The following LRRC27 variants were observed in gnomAD, a reference collection of about 807,000 sequenced individuals.
LRRC27 encodes the protein leucine-rich repeat-containing protein 27.
In LRRC27, 57 loss-of-function variants were observed where a neutral mutation model predicts 55.0. That is an observed-to-expected ratio of 1.04 (90% confidence interval 0.84 to 1.29). LRRC27 has a LOEUF of 1.29. Among genes scored for constraint, LRRC27 ranks in the 50% most tolerant of loss-of-function variants. The pLI is 0.00. For missense variants in LRRC27, 721 were observed against 651.5 expected (o/e 1.11, Z -1.16); for synonymous variants, 278 against 251.9 (o/e 1.10, Z -0.98).
chr10:132,342,307 G>C, intron 4 of LRRC27, 36 bp downstream of exon 4: 1 of 1,339,980 alleles, frequency 7.5e-7, no homozygotes, highest in Non-Finnish European at 1.0e-6. Flanking sequence ...ATTTTAAAAT[G>C]CTATCTTTTG....
In LRRC27 at chr10:132,333,467, G is replaced by A. The variant is rs78594781; in HGVS notation, c.-48-10G>A. On this transcript the variant is annotated splice_polypyrimidine_tract_variant and intron_variant, in intron 1 of 10. Coordinates refer to ENST00000368614, the MANE Select transcript of LRRC27 (RefSeq NM_030626.3). ...AGTTGCTTCTACGTTTCCCTTTCCC[G>A]TGTCTCCAGGTGACTCCAGACCAAG... is the stretch of plus-strand genomic sequence containing the variant. The A allele has an allele frequency of 6.2e-4, 842 of 1,354,946 alleles. 6 individuals carry two copies. In the African/African-American group the frequency reaches 0.011, roughly 18 times the overall value. 83.9% of individuals were successfully genotyped at this position (1,354,946 alleles called of 1,614,324 possible).
rs1030711695 is a variant in LRRC27 at position 132,379,968 on chromosome 10, T to G, written c.*4726T>G. 6.6e-6 allele frequency: 1 copy of G among 152,230 alleles called. No homozygotes were observed. The highest frequency in any genetic ancestry group is 2.4e-5 in the African/African-American group (1 of 41,440). The allele number at this position is 152,230 out of a possible 1,614,324, so 9.4% of individuals were successfully genotyped here. On this transcript the variant is annotated 3_prime_UTR_variant, in exon 11 of 11. Coordinates refer to ENST00000368614, the MANE Select transcript of LRRC27 (RefSeq NM_030626.3). ...ATGCATAAAATATACAGACCATACA[T>G]GGACCATTCACAGTAGAGAGAAATG... is the stretch of plus-strand genomic sequence containing the variant.
intron 7 of LRRC27, 96 bp downstream of exon 7, chr10:132,351,849 T>C: frequency 2.9e-6 from 4 of 1,366,606 alleles, no homozygotes; most frequent in South Asian, 1.4e-5. Flanking sequence ...TGGAAGTGTT[T>C]AGTTAGTTCT....
chr10:132,358,805 C>G (rs546681642), intron 8 of LRRC27, among the ~76,000 whole-genome samples: 10 of 40,164 alleles, frequency 2.5e-4, no homozygotes, highest in Admixed American at 6.2e-4. Context: ...GGGGAGGAGC[C>G]GAGGTGGTGG....
chr10:132,337,374 G>C, intron 2 of LRRC27, 191 bp from the exon 3 acceptor site: 1 of 1,382,026 alleles, frequency 7.2e-7, no homozygotes, highest in Non-Finnish European at 9.3e-7. Context: ...AAGGAGTCCT[G>C]GTTCTTTTCT....
intron 3 of LRRC27, 90 bp downstream of exon 3, chr10:132,337,785 A>C: frequency 7.0e-7 from 1 of 1,438,414 alleles, no homozygotes; most frequent in Middle Eastern, 1.8e-4. Context: ...CTCTTGATTA[A>C]ATTTTTACCT....
At chr10:132,371,095 C>A (rs1218032119) in intron 10 of LRRC27, among the ~76,000 whole-genome samples, 1 of 152,388 alleles carries the variant, frequency 6.6e-6, no homozygotes, top group South Asian at 2.1e-4. Context: ...TCACACTGCA[C>A]CTCTAGAAGC....
intron 2 of LRRC27, 117 bp from the exon 3 acceptor site, chr10:132,337,448 A>T: frequency 1.4e-6 from 2 of 1,453,390 alleles, no homozygotes; most frequent in Non-Finnish European, 1.8e-6. Flanking sequence ...TTGTTTTTTA[A>T]CTTAGTATAT....
intron 9 of LRRC27, among the ~76,000 whole-genome samples, chr10:132,364,605 G>GCCCACAC (rs2068918076): frequency 9.6e-5 from 2 of 20,892 alleles, no homozygotes; most frequent in Non-Finnish European, 1.8e-4. Context: ...GGCAGTCCGC[G>GCCCACAC]TCCACGCTTA....
chr10:132,372,113 G>C lies in LRRC27; in HGVS notation c.1417-2953G>C, dbSNP rs548731270. Among the ~76,000 whole-genome samples, 2 of 152,110 alleles carry C rather than the reference G, an allele frequency of 1.3e-5. No individual in the cohort carries two copies. The highest frequency in any genetic ancestry group is 2.9e-5 in the Non-Finnish European group (2 of 68,022). ...AACCAACCAAAGAAGGATGGGAAGT[G>C]GGGGTCGGGGTGCGGTGGCTCACGC... On this transcript the variant is annotated intron_variant, in intron 10 of 10. Transcript: ENST00000368614. This position sits in a 1 kb window ranked among gnomAD's most constrained non-coding sequence, Gnocchi z 4.0.
intron 9 of LRRC27, among the ~76,000 whole-genome samples, chr10:132,364,060 C>T (rs962601174): frequency 2.4e-4 from 37 of 152,130 alleles, no homozygotes; most frequent in South Asian, 1.7e-3. Flanking sequence ...CCACAGTGGC[C>T]CGCTAACCCC....
rs1036936314 is a variant in LRRC27, at chr10:132,381,331, C to T, written c.*6089C>T. On this transcript the variant is annotated 3_prime_UTR_variant, in exon 11 of 11. Transcript: ENST00000368614. ...ACACTGGTGTTTTGCCAGGGGCTCT[C>T]GGGCCTTCGGCCACAGACTGAAGGC... Among the ~76,000 whole-genome samples the T allele has an allele frequency of 5.9e-5, 9 of 152,244 alleles. No homozygotes were observed. The highest frequency in any genetic ancestry group is 3.9e-4 in the Admixed American group (6 of 15,286).
chr10:132,379,838 A>AT lies in LRRC27; in HGVS notation c.*4596_*4597insT, dbSNP rs2069388668. On this transcript the variant is annotated 3_prime_UTR_variant, in exon 11 of 11. Transcript: ENST00000368614. Reference sequence around the variant, plus strand: ...CCACTTATAAGTGGATTTTTAAAAAAATATATATTGCAAAAATTTTTGGAA... The same window carrying AT: ...CCACTTATAAGTGGATTTTTAAAAAATATATATATTGCAAAAATTTTTGGAA... 1 of 152,362 alleles carries AT rather than the reference A, an allele frequency of 6.6e-6. No individual in the cohort carries two copies. Among genetic ancestry groups the AT allele is most frequent in the African/African-American group, 2.4e-5 (1 of 41,458 alleles). The allele number at this position is 152,362 out of a possible 1,614,324, so 9.4% of individuals were successfully genotyped here. A position where few individuals can be genotyped will look rare whatever the true frequency, so the allele number is the denominator to read the frequency against.
upstream of LRRC27, chr10:132,331,449 C>T (rs2066732596): frequency 1.2e-6 from 2 of 1,610,800 alleles, no homozygotes; most frequent in Non-Finnish European, 1.7e-6. Context: ...GTTTCCTCGC[C>T]CCCCTCACTC....
chr10:132,356,956 G>A (rs1227497815), intron 8 of LRRC27, among the ~76,000 whole-genome samples: 1 of 152,262 alleles, frequency 6.6e-6, no homozygotes, highest in East Asian at 1.9e-4. Flanking sequence ...CCTTAGCTGG[G>A]GTAAGGCCCC....
chr10:132,351,335 A>C, intron 6 of LRRC27: 1 of 388,738 alleles, frequency 2.6e-6, no homozygotes. Context: ...CTTCAGGTGC[A>C]TTTCCCAAGC....
intron 7 of LRRC27, chr10:132,353,527 T>A: frequency 3.0e-6 from 2 of 657,790 alleles, no homozygotes; most frequent in Non-Finnish European, 3.8e-6. Context: ...TCTTTTTCAT[T>A]AAAAAGATGA....
chr10:132,333,875 CA>C (rs1418564172), intron 2 of LRRC27, 141 bp downstream of exon 2: 1 of 666,382 alleles, frequency 1.5e-6, no homozygotes, highest in Non-Finnish European at 2.5e-6. Context: ...AAGGTTAACT[CA>C]TAGTTTCATA....
chr10:132,337,204 A>C (rs1206318589), intron 2 of LRRC27: 1 of 1,174,366 alleles, frequency 8.5e-7, no homozygotes, highest in African/African-American at 1.6e-5. Context: ...GCCGAGGGCC[A>C]GGTGCTGCGG....
Sources: gnomAD v4.1 joint callset for allele counts (sites outside exome capture counted in the v4.1 genomes callset) on GRCh38, gnomAD v4.1.1 for gene constraint, Gnocchi (gnomAD v3.1) non-coding constraint, MANE v1.5 for transcripts, NCBI Gene and HGNC (gene_info 2026-07-23, HGNC 2026-07-21) for gene names.